SLC12A7: variants seen among roughly 807,000 people sequenced by gnomAD.
The protein encoded by SLC12A7 is K-Cl cotransporter 4.
A neutral mutation model predicts 120.6 loss-of-function variants in SLC12A7; 100 were observed. The ratio of observed to expected loss-of-function variants is 0.83; its 90% confidence interval spans 0.71 to 0.98. SLC12A7 has a LOEUF of 0.98. Among genes scored for constraint, SLC12A7 ranks in the 50% least tolerant of loss-of-function variants. The probability of loss-of-function intolerance (pLI) is 0.00; values close to 1 mark genes in which losing one functional copy is unlikely to be tolerated. For missense variants in SLC12A7, 1,373 were observed against 1,548.1 expected, an observed-to-expected ratio of 0.89 and a Z score of 1.90; for synonymous variants, 760 against 678.0, an observed-to-expected ratio of 1.12 and a Z score of -1.88.
At chr5:1,114,799 C>T (rs929500542), upstream of SLC12A7, among the ~76,000 whole-genome samples, 2 of 152,156 alleles carry the variant, frequency 1.3e-5, no homozygotes, top group Non-Finnish European at 2.9e-5. Context: ...CTGGTGGTAG[C>T]TCCTCCGTCC....
At chr5:1,054,157 T>C (rs1735352736) in intron 22 of SLC12A7, among the ~76,000 whole-genome samples, 1 of 152,204 alleles carries the variant, frequency 6.6e-6, no homozygotes, top group Non-Finnish European at 1.5e-5. Context: ...CGGCCCACCC[T>C]GCCCCTGTCT....
the SLC12A7 span, among the ~76,000 whole-genome samples, chr5:1,153,576 C>T: frequency 6.6e-6 from 1 of 152,146 alleles, no homozygotes; most frequent in African/African-American, 2.4e-5. Flanking sequence ...GGGTGCTGGC[C>T]CTGGCACTAC....
At chr5:1,115,274 G>A (rs562691597), upstream of SLC12A7, among the ~76,000 whole-genome samples, 8 of 151,544 alleles carry the variant, frequency 5.3e-5, no homozygotes, top group African/African-American at 1.9e-4. Flanking sequence ...GTAGATTCTC[G>A]AAACAGTCCC....
At chr5:1,083,586 C>G (rs1739460823) in intron 8 of SLC12A7, among the ~76,000 whole-genome samples, 159 bp downstream of exon 8, 1 of 152,210 alleles carries the variant, frequency 6.6e-6, no homozygotes, top group Non-Finnish European at 1.5e-5. Flanking sequence ...GGGGTGTGTA[C>G]AGGGACCCCC....
At chr5:1,121,208 A>G in the SLC12A7 span, among the ~76,000 whole-genome samples, 1 of 152,130 alleles carries the variant, frequency 6.6e-6, no homozygotes, top group African/African-American at 2.4e-5. Context: ...CAGGCCAGCA[A>G]ATATTTATCA....
At chr5:1,134,672 G>A in the SLC12A7 span, among the ~76,000 whole-genome samples, 1 of 152,116 alleles carries the variant, frequency 6.6e-6, no homozygotes, top group African/African-American at 2.4e-5. Context: ...TTCTGCACGT[G>A]CTATAAAGAA....
At chr5:1,076,995 G>GC (rs1738424759) in intron 12 of SLC12A7, among the ~76,000 whole-genome samples, 183 bp from the exon 13 acceptor site, 1 of 152,108 alleles carries the variant, frequency 6.6e-6, no homozygotes. Context: ...AAGGGCTGCA[G>GC]CCCAGGAGGC....
At position 1,053,495 on chromosome 5, in the gene SLC12A7, T is replaced by C. The variant is rs1040632068; in HGVS notation, c.3027-13A>G. The stretch of plus-strand genomic sequence containing the variant: ...GTTGGACTGGTCCCTGCAGGGGAGG[T>C]GGGCACGGTCAGCGGGCGGCGGGTG... On this transcript the variant is annotated splice_polypyrimidine_tract_variant and intron_variant, in intron 22 of 23. Coordinates refer to ENST00000264930, the MANE Select transcript of SLC12A7 (RefSeq NM_006598.3). 4 of 1,612,028 alleles carry C rather than the reference T, an allele frequency of 2.5e-6. No homozygotes were observed. Among genetic ancestry groups the C allele is most frequent in the Non-Finnish European group, 3.4e-6 (4 of 1,179,278 alleles).
At chr5:1,052,585 A>G (rs1018437431) in intron 23 of SLC12A7, 134 bp from the exon 24 acceptor site, 1 of 727,750 alleles carries the variant, frequency 1.4e-6, no homozygotes, top group African/African-American at 1.7e-5. Flanking sequence ...AGGTGAAAAG[A>G]GAGGTGGGGA....
At chr5:1,086,623 GC>G (rs1739885212) in intron 6 of SLC12A7, among the ~76,000 whole-genome samples, 1 of 152,226 alleles carries the variant, frequency 6.6e-6, no homozygotes, top group Admixed American at 6.5e-5. Flanking sequence ...CTGCACCTAC[GC>G]GGGGCTCAGA....
At position 1,063,926 on chromosome 5, in the gene SLC12A7, T is replaced by C; in HGVS notation, c.2657A>G (p.Asp886Gly). ...MRIFTVAQVDDNSIQMKKDLQ... is the reference protein window; with the variant it reads ...MRIFTVAQVDGNSIQMKKDLQ... The stretch of plus-strand genomic sequence containing the variant: ...GTCCTTCTTCATCTGGATGCTGTTG[T>C]CGTCCACCTGGGCCACGGTGAAGAT... Residue 886 changes from aspartate (D) to glycine (G), a missense_variant, in exon 20 of 24, where the codon GAC becomes GGC. Coordinates refer to ENST00000264930, the MANE Select transcript of SLC12A7 (RefSeq NM_006598.3). 1 of 1,612,578 alleles carries C rather than the reference T, an allele frequency of 6.2e-7. No individual in the cohort carries two copies. The highest frequency in any genetic ancestry group is 1.1e-5 in the South Asian group (1 of 91,062).
intron 22 of SLC12A7, among the ~76,000 whole-genome samples, chr5:1,054,782 T>G (rs1244781583): frequency 6.6e-6 from 1 of 152,190 alleles, no homozygotes; most frequent in Non-Finnish European, 1.5e-5. Flanking sequence ...TAACCACCAA[T>G]TTCCAGGAGG....
chr5:1,143,314 A>G, the SLC12A7 span, among the ~76,000 whole-genome samples: 167 of 152,364 alleles, frequency 1.1e-3, 1 homozygote, highest in Non-Finnish European at 2.0e-3. Flanking sequence ...CTTCAACACT[A>G]GAAATTGTTC....
intron 1 of SLC12A7, among the ~76,000 whole-genome samples, chr5:1,103,725 A>G (rs1742228850): frequency 6.6e-6 from 1 of 152,242 alleles, no homozygotes; most frequent in Non-Finnish European, 1.5e-5. Flanking sequence ...CCCAGACTGC[A>G]CGACCCACGG....
rs1052237274 is a variant in SLC12A7 at position 1,075,451 on chromosome 5, C to T, written c.1887G>A (p.Leu629=). The stretch of plus-strand genomic sequence containing the variant: ...CGTAGTACCAGGAGCAGATGAACAT[C>T]AGCGCCAGGCACAGGCTCATACCCA... ...SFLGMSLCLA[L]MFICSWYYAL... is the part of the protein sequence containing the mutation. The change falls in exon 15 of 24, where the codon CTG becomes CTA. Residue 629 remains leucine (L), a synonymous_variant. Coordinates refer to ENST00000264930, the MANE Select transcript of SLC12A7 (RefSeq NM_006598.3). The T allele has an allele frequency of 8.7e-6, 14 of 1,612,414 alleles. No homozygotes were observed. Among genetic ancestry groups the T allele is most frequent in the Admixed American group, 1.7e-5 (1 of 59,976 alleles).
intron 5 of SLC12A7, 142 bp from the exon 6 acceptor site, chr5:1,087,175 G>A (rs535108797): frequency 1.7e-6 from 2 of 1,146,248 alleles, no homozygotes; most frequent in South Asian, 1.6e-5. Flanking sequence ...CCGCAAAGCA[G>A]CACATGGAGA....
the SLC12A7 span, among the ~76,000 whole-genome samples, chr5:1,128,733 G>A: frequency 1.3e-5 from 2 of 152,214 alleles, no homozygotes; most frequent in Non-Finnish European, 2.9e-5. Context: ...GTGCATGTAT[G>A]TGTGCGTGTG....
At chr5:1,105,593 G>A (rs1490752632) in intron 1 of SLC12A7, among the ~76,000 whole-genome samples, 7 of 152,240 alleles carry the variant, frequency 4.6e-5, no homozygotes, top group Admixed American at 1.3e-4. Flanking sequence ...GGAGCTCATC[G>A]TTCAGGCTGC....
the SLC12A7 span, among the ~76,000 whole-genome samples, chr5:1,137,783 TG>T: frequency 6.6e-6 from 1 of 152,174 alleles, no homozygotes; most frequent in Admixed American, 6.5e-5. Flanking sequence ...TCAGAACCCT[TG>T]GTCTGGCTGG....
Sources: allele counts gnomAD v4.1 joint callset (sites outside exome capture counted in the v4.1 genomes callset), GRCh38; gene constraint gnomAD v4.1.1; transcripts MANE v1.5; gene names NCBI Gene and HGNC (gene_info 2026-07-23, HGNC 2026-07-21).